MLLT10: variants seen among roughly 807,000 people sequenced by gnomAD.
MLLT10 encodes protein AF-10.
In MLLT10, 30 loss-of-function variants were observed where a neutral mutation model predicts 129.1. The ratio of observed to expected loss-of-function variants is 0.23; its 90% confidence interval spans 0.17 to 0.32. The LOEUF (loss-of-function observed/expected upper bound fraction) is 0.32, where lower values mean the gene tolerates loss of function less well. MLLT10 is among the 10% of genes least tolerant of loss of function. MLLT10 has a pLI of 1.00. For missense variants in MLLT10, 1,119 were observed against 1,268.3 expected (o/e 0.88, Z 1.79); for synonymous variants, 490 against 446.4 (o/e 1.10, Z -1.23).
intron 9 of MLLT10, among the ~76,000 whole-genome samples, chr10:21,653,624 A>G (rs2049272320): frequency 6.6e-6 from 1 of 152,192 alleles, no homozygotes; most frequent in African/African-American, 2.4e-5. Flanking sequence ...ACATCTGCAA[A>G]GCCCCTTTTG....
At chr10:21,641,712 A>G (rs372257085) in intron 8 of MLLT10, among the ~76,000 whole-genome samples, 10 of 152,200 alleles carry the variant, frequency 6.6e-5, no homozygotes, top group African/African-American at 2.4e-4. Flanking sequence ...TTTAAGTTTA[A>G]TAATAGAAAT....
intron 3 of MLLT10, chr10:21,557,888 G>A (rs911086076): frequency 6.6e-6 from 1 of 151,044 alleles, no homozygotes; most frequent in African/African-American, 2.4e-5. Flanking sequence ...GGATGCTTAT[G>A]AAGCAGAAAA....
intron 9 of MLLT10, among the ~76,000 whole-genome samples, chr10:21,668,677 C>T (rs548498553): frequency 6.6e-6 from 1 of 152,112 alleles, no homozygotes; most frequent in African/African-American, 2.4e-5. Context: ...TTCCAAATGT[C>T]ATGTTTTCAT....
rs1194832160 is a variant in MLLT10 at position 21,673,633 on chromosome 10, T to A, written c.1335T>A (p.Leu445=). 6.2e-7 allele frequency: 1 copy of A among 1,613,986 alleles called. No individual in the cohort carries two copies. Residue 445 remains leucine, a synonymous_variant, in exon 11 of 23, where the codon CTT becomes CTA. Coordinates refer to ENST00000307729, the MANE Select transcript of MLLT10 (RefSeq NM_001195626.3). ...NSPGDLGNSS[L]PTAGYKRAQT... is the part of the protein sequence containing the mutation. The stretch of plus-strand genomic sequence containing the variant: ...CTGGAGATTTGGGTAATTCCAGCCT[T>A]CCTACAGCAGGATATAAGCGGGCTC...
chr10:21,583,887 TG>T (rs1248662304), intron 3 of MLLT10, among the ~76,000 whole-genome samples: 1 of 151,992 alleles, frequency 6.6e-6, no homozygotes, highest in Non-Finnish European at 1.5e-5. Flanking sequence ...TTTTTTTTTT[TG>T]AGACGGAGTC....
chr10:21,674,582 T>C (rs1391146612), intron 11 of MLLT10, among the ~76,000 whole-genome samples: 1 of 152,218 alleles, frequency 6.6e-6, no homozygotes, highest in African/African-American at 2.4e-5. Flanking sequence ...TTTCTGTAAC[T>C]TGCAATTTGT....
chr10:21,603,024 G>T (rs1253479455), intron 5 of MLLT10, among the ~76,000 whole-genome samples: 1 of 151,670 alleles, frequency 6.6e-6, no homozygotes. Flanking sequence ...GAGCCACTGC[G>T]CCCGGCCTAT....
At chr10:21,739,625 T>G (rs2058668758) in intron 21 of MLLT10, among the ~76,000 whole-genome samples, 1 of 152,216 alleles carries the variant, frequency 6.6e-6, no homozygotes, top group Non-Finnish European at 1.5e-5. Context: ...ATGGAGTATA[T>G]GCTTGCTGTA....
At chr10:21,684,080 A>G (rs2053030346) in intron 13 of MLLT10, among the ~76,000 whole-genome samples, 2 of 151,858 alleles carry the variant, frequency 1.3e-5, no homozygotes, top group South Asian at 2.1e-4. Flanking sequence ...GATCGATCAT[A>G]GGTCATTGCA....
At chr10:21,580,580 C>T (rs553881578) in intron 3 of MLLT10, among the ~76,000 whole-genome samples, 18 of 152,036 alleles carry the variant, frequency 1.2e-4, no homozygotes, top group African/African-American at 4.1e-4. Context: ...TTAGTAGAGA[C>T]GGGGTTTCAC....
At chr10:21,598,866 C>T (rs983302563) in intron 5 of MLLT10, among the ~76,000 whole-genome samples, 1 of 151,404 alleles carries the variant, frequency 6.6e-6, no homozygotes, top group African/African-American at 2.4e-5. Context: ...GCCTGAATAA[C>T]GGAGTGAGAT....
intron 3 of MLLT10, among the ~76,000 whole-genome samples, chr10:21,585,818 A>G (rs1356522541): frequency 6.6e-6 from 1 of 152,220 alleles, no homozygotes; most frequent in Non-Finnish European, 1.5e-5. Flanking sequence ...CTGGAGTGCA[A>G]TGGCGCGATC....
At chr10:21,681,514 T>A (rs2052736301) in intron 12 of MLLT10, 138 bp downstream of exon 12, 1 of 606,422 alleles carries the variant, frequency 1.6e-6, no homozygotes, top group Admixed American at 3.6e-5. Flanking sequence ...GATACTTTTC[T>A]CCTGCAAAGA....
chr10:21,603,201 C>T (rs1226641766), intron 5 of MLLT10, among the ~76,000 whole-genome samples: 2 of 151,218 alleles, frequency 1.3e-5, no homozygotes, highest in East Asian at 3.9e-4. Context: ...TATAGGTGTC[C>T]ACCACCGTGC....
chr10:21,737,851 CTAAGTA>C (rs1249817662), intron 21 of MLLT10, among the ~76,000 whole-genome samples: 2 of 151,954 alleles, frequency 1.3e-5, no homozygotes, highest in Non-Finnish European at 2.9e-5. Flanking sequence ...GACATCCTTT[CTAAGTA>C]TATTTATGTA....
intron 15 of MLLT10, 146 bp from the exon 16 acceptor site, chr10:21,727,710 C>T (rs192939018): frequency 1.1e-4 from 69 of 627,534 alleles, no homozygotes; most frequent in South Asian, 3.9e-5. Context: ...TCTGAACTAG[C>T]AACATGCTAG....
chr10:21,741,849 C>T, intron 22 of MLLT10, 90 bp from the exon 23 acceptor site: 1 of 1,391,780 alleles, frequency 7.2e-7, no homozygotes, highest in Non-Finnish European at 1.0e-6. Context: ...ACTTTCTATA[C>T]CACATTTTAT....
chr10:21,652,850 A>T (rs1021975643), intron 9 of MLLT10, among the ~76,000 whole-genome samples: 3 of 152,174 alleles, frequency 2.0e-5, no homozygotes, highest in African/African-American at 7.2e-5. Context: ...ATGGTGGTAA[A>T]AACAGAGGTA....
At chr10:21,663,984 C>G (rs1589507800) in intron 9 of MLLT10, among the ~76,000 whole-genome samples, 1 of 152,142 alleles carries the variant, frequency 6.6e-6, no homozygotes, top group East Asian at 1.9e-4. Context: ...CTTATATGCT[C>G]AACGAGAAAC....
Sources: allele counts gnomAD v4.1 joint callset (sites outside exome capture counted in the v4.1 genomes callset), GRCh38; gene constraint gnomAD v4.1.1; transcripts MANE v1.5; gene names NCBI Gene and HGNC (gene_info 2026-07-23, HGNC 2026-07-21).